Variants in NGEF observed in about 807,000 individuals in gnomAD.
NGEF encodes the protein ephexin-1.
Under a neutral mutation model 80.9 loss-of-function variants are expected in NGEF, and 31 were observed. The ratio of observed to expected loss-of-function variants is 0.38; its 90% CI spans 0.29 to 0.52. The LOEUF (loss-of-function observed/expected upper bound fraction) is 0.52. Ranked by LOEUF, NGEF falls within the 20% of genes least tolerant of loss-of-function variation. The pLI, the probability that NGEF is intolerant of heterozygous loss-of-function variation, is 0.84. For missense variants in NGEF, 709 were observed against 926.2 expected (o/e 0.77, Z 3.04); for synonymous variants, 371 against 370.2 (o/e 1.00, Z -0.03).
intron 1 of NGEF, among the ~76,000 whole-genome samples, chr2:233,000,842 T>A (rs141538985): frequency 1.8e-4 from 28 of 151,578 alleles, no homozygotes; most frequent in Non-Finnish European, 3.2e-4. Flanking sequence ...GGTTAGGGCA[T>A]CAACGGCTGA....
At chr2:232,884,444 A>T (rs1691611281) in intron 10 of NGEF, among the ~76,000 whole-genome samples, 1 of 152,204 alleles carries the variant, frequency 6.6e-6, no homozygotes, top group African/African-American at 2.4e-5. Context: ...AGTTATGTGC[A>T]CGTGCTTGTG....
At chr2:232,988,458 A>T (rs1200670936) in intron 1 of NGEF, among the ~76,000 whole-genome samples, 1 of 152,176 alleles carries the variant, frequency 6.6e-6, no homozygotes, top group African/African-American at 2.4e-5. Context: ...ATTGGCAAAA[A>T]CTCAAAAGTT....
intron 5 of NGEF, among the ~76,000 whole-genome samples, chr2:232,918,862 C>T (rs948503855): frequency 6.6e-6 from 1 of 151,384 alleles, no homozygotes; most frequent in Non-Finnish European, 1.5e-5. Context: ...CTCCTGAGCT[C>T]GTGATCCACC....
At chr2:232,932,233 T>C (rs1333227167) in intron 3 of NGEF, among the ~76,000 whole-genome samples, 1 of 149,870 alleles carries the variant, frequency 6.7e-6, no homozygotes, top group Non-Finnish European at 1.5e-5. Flanking sequence ...GGCACGATTT[T>C]GGTTCACTGC....
chr2:232,949,817 G>A (rs527809809), intron 3 of NGEF, among the ~76,000 whole-genome samples: 1 of 133,144 alleles, frequency 7.5e-6, no homozygotes. Context: ...TAAATTTTTG[G>A]TTTTTTTTTT....
intron 1 of NGEF, among the ~76,000 whole-genome samples, chr2:233,003,628 G>A (rs1024494713): frequency 1.3e-5 from 2 of 152,102 alleles, no homozygotes; most frequent in African/African-American, 2.4e-5. Flanking sequence ...GGAGACGTCT[G>A]TTCATCCATC....
intron 2 of NGEF, among the ~76,000 whole-genome samples, chr2:232,974,231 G>A (rs1411573863): frequency 6.6e-6 from 1 of 152,090 alleles, no homozygotes; most frequent in Admixed American, 6.6e-5. Context: ...CTTTGGCTAT[G>A]GCAGTCACAG....
chr2:232,947,891 C>T (rs1038161571), intron 3 of NGEF, among the ~76,000 whole-genome samples: 1 of 152,092 alleles, frequency 6.6e-6, no homozygotes, highest in South Asian at 2.1e-4. Flanking sequence ...AATCTAAAGA[C>T]AGCAAACCAA....
chr2:232,899,251 CG>C (rs2106244090), intron 5 of NGEF, among the ~76,000 whole-genome samples: 1 of 145,152 alleles, frequency 6.9e-6, no homozygotes, highest in Admixed American at 7.1e-5. Context: ...GGCGTGTGAA[CG>C]TACGTGTCAC....
At chr2:232,943,034 C>T (rs1357342917) in intron 3 of NGEF, among the ~76,000 whole-genome samples, 11 of 149,844 alleles carry the variant, frequency 7.3e-5, no homozygotes, top group Non-Finnish European at 1.6e-4. Context: ...TAAATTACTG[C>T]TGTTTCTAAA....
chr2:232,894,994 G>A (rs1692012664), intron 5 of NGEF, 78 bp from the exon 6 acceptor site: 1 of 1,455,486 alleles, frequency 6.9e-7, no homozygotes, highest in Non-Finnish European at 9.4e-7. Flanking sequence ...AGACAGAGGA[G>A]CAGAGGGAGG....
At chr2:232,944,277 G>A (rs1693504191) in intron 3 of NGEF, among the ~76,000 whole-genome samples, 2 of 152,060 alleles carry the variant, frequency 1.3e-5, no homozygotes, top group African/African-American at 4.8e-5. Context: ...AGAACTACAA[G>A]TGCATTTACC....
chr2:233,000,946 C>T (rs900169703), intron 1 of NGEF, among the ~76,000 whole-genome samples: 3 of 152,088 alleles, frequency 2.0e-5, no homozygotes, highest in Non-Finnish European at 4.4e-5. Flanking sequence ...CAGTTTAACC[C>T]GATTTCTCGA....
chr2:232,891,068 T>C (rs2106228360), intron 8 of NGEF: 1 of 532,286 alleles, frequency 1.9e-6, no homozygotes, highest in Non-Finnish European at 3.7e-6. Context: ...CCCGCCCCCA[T>C]CGCTGCAACT....
chr2:232,992,684 A>G (rs558058097), intron 1 of NGEF, among the ~76,000 whole-genome samples: 2 of 152,080 alleles, frequency 1.3e-5, no homozygotes, highest in South Asian at 2.1e-4. Context: ...AATAATAAAA[A>G]ATAACCCAAT....
At chr2:232,891,044 C>G (rs771810511) in intron 8 of NGEF, 7 of 508,884 alleles carry the variant, frequency 1.4e-5, no homozygotes, top group Non-Finnish European at 2.8e-5. Context: ...TTACACGTCA[C>G]GTGTCTTTCC....
intron 1 of NGEF, among the ~76,000 whole-genome samples, chr2:232,990,928 T>C (rs527658174): frequency 6.6e-6 from 1 of 152,222 alleles, no homozygotes; most frequent in East Asian, 1.9e-4. Flanking sequence ...TGGTTTAACA[T>C]GCAAAAATCA....
At chr2:232,899,763 C>A (rs1324876401) in intron 5 of NGEF, among the ~76,000 whole-genome samples, 1 of 145,398 alleles carries the variant, frequency 6.9e-6, no homozygotes, top group Middle Eastern at 3.6e-3. Context: ...CGTGCTCTCA[C>A]AGTCACTCAT....
chr2:232,979,470 C>T (rs1694364581), intron 1 of NGEF, among the ~76,000 whole-genome samples: 1 of 152,074 alleles, frequency 6.6e-6, no homozygotes, highest in African/African-American at 2.4e-5. Context: ...AGCAAATGTG[C>T]TCTGCGTCTG....
Sources: allele counts gnomAD v4.1 joint callset (sites outside exome capture counted in the v4.1 genomes callset), GRCh38; gene constraint gnomAD v4.1.1; transcripts MANE v1.5; gene names NCBI Gene and HGNC (gene_info 2026-07-23, HGNC 2026-07-21).